The following SAMMSON variants were observed in gnomAD, a reference collection of about 807,000 sequenced individuals.
The protein encoded by SAMMSON is long intergenic non-protein coding RNA 1212.
chr3:70,035,919 A>G (rs2067083664), intron 3 of SAMMSON, among the ~76,000 whole-genome samples: 1 of 152,236 alleles, frequency 6.6e-6, no homozygotes, highest in Non-Finnish European at 1.5e-5. Context: ...AACAAAGATT[A>G]AAATACAGAA....
intron 4 of SAMMSON, among the ~76,000 whole-genome samples, chr3:70,231,557 C>CA: frequency 6.6e-6 from 1 of 152,172 alleles, no homozygotes; most frequent in Non-Finnish European, 1.5e-5. Context: ...GTTAGTTGTG[C>CA]TGGATGATTA....
chr3:70,149,132 G>A (rs2067561484), intron 4 of SAMMSON, among the ~76,000 whole-genome samples: 1 of 152,086 alleles, frequency 6.6e-6, no homozygotes, highest in Non-Finnish European at 1.5e-5. Flanking sequence ...AAGGTCAAAT[G>A]TGGTGAAAAG....
intron 4 of SAMMSON, among the ~76,000 whole-genome samples, chr3:70,089,115 A>T (rs1576118831): frequency 6.6e-6 from 1 of 152,178 alleles, no homozygotes; most frequent in East Asian, 1.9e-4. Flanking sequence ...TGAAAAAACA[A>T]ACTGCTTGTT....
At chr3:70,428,169 T>A (rs1172134285) in intron 2 of SAMMSON, among the ~76,000 whole-genome samples, 1 of 152,156 alleles carries the variant, frequency 6.6e-6, no homozygotes, top group Admixed American at 6.5e-5. Context: ...AAGAAATCAA[T>A]TCTCTCCAAA....
intron 6 of SAMMSON, among the ~76,000 whole-genome samples, chr3:70,268,767 C>A (rs970459011): frequency 6.6e-6 from 1 of 152,118 alleles, no homozygotes; most frequent in Non-Finnish European, 1.5e-5. Context: ...GAAGTATCTA[C>A]TTTATATCTG....
intron 1 of SAMMSON, among the ~76,000 whole-genome samples, chr3:70,010,172 G>A (rs2066947689): frequency 6.6e-6 from 1 of 152,018 alleles, no homozygotes; most frequent in Non-Finnish European, 1.5e-5. Context: ...GTGCAGAGCT[G>A]AGTTCAATTC....
intron 7 of SAMMSON, among the ~76,000 whole-genome samples, chr3:70,314,068 T>G (rs757183469): frequency 1.8e-4 from 28 of 152,172 alleles, no homozygotes; most frequent in Non-Finnish European, 2.9e-4. Flanking sequence ...CACCTGGAGA[T>G]GATCTTACCC....
intron 9 of SAMMSON, among the ~76,000 whole-genome samples, chr3:70,378,770 C>T (rs760810067): frequency 2.4e-4 from 37 of 151,868 alleles, no homozygotes; most frequent in Non-Finnish European, 4.6e-4. Context: ...AAATGACATA[C>T]ACATAAGATT....
intron 1 of SAMMSON, among the ~76,000 whole-genome samples, chr3:70,000,237 G>A (rs182216574): frequency 6.6e-6 from 1 of 152,254 alleles, no homozygotes; most frequent in African/African-American, 2.4e-5. Context: ...TCGTGGGATC[G>A]GAGCCCCACA....
At chr3:70,367,605 T>C (rs1267106340) in intron 9 of SAMMSON, among the ~76,000 whole-genome samples, 2 of 151,686 alleles carry the variant, frequency 1.3e-5, no homozygotes, top group African/African-American at 4.8e-5. Flanking sequence ...GTATACTACA[T>C]TTTCTTTATT....
chr3:70,198,860 A>G (rs1412175462), intron 4 of SAMMSON, among the ~76,000 whole-genome samples: 4 of 152,306 alleles, frequency 2.6e-5, no homozygotes, highest in Middle Eastern at 6.8e-3. Context: ...ATAAGTCACC[A>G]CAAACCTCCC....
intron 4 of SAMMSON, among the ~76,000 whole-genome samples, chr3:70,164,459 GAGGTGAAT>G (rs2067628636): frequency 1.3e-5 from 2 of 152,110 alleles, no homozygotes; most frequent in Admixed American, 1.3e-4. Context: ...GGGATTTATT[GAGGTGAAT>G]AGTACTTATT....
intron 4 of SAMMSON, among the ~76,000 whole-genome samples, chr3:70,104,286 C>T (rs546016915): frequency 6.6e-5 from 10 of 151,366 alleles, no homozygotes; most frequent in African/African-American, 1.5e-4. Flanking sequence ...TCCTACGCTG[C>T]GATACTGTGC....
In SAMMSON at chr3:70,429,984, C is replaced by T. The variant is rs370401094; in HGVS notation, n.234-32576C>T. ...TGTTTATCTTGCCTGATTGCCCTGG[C>T]CAGAACTTCCAATACTATGTTGAAT... is the stretch of plus-strand genomic sequence containing the variant. On this transcript the variant is annotated intron_variant and non_coding_transcript_variant, in intron 2 of 3. Coordinates refer to the SAMMSON transcript ENST00000641053. 1.4e-4 allele frequency among the ~76,000 whole-genome samples: 21 copies of T among 152,198 alleles called. 1 individual carries two copies. In the East Asian group the frequency reaches 2.7e-3, roughly 20 times the overall value.
At chr3:70,113,021 G>A (rs907365911) in intron 4 of SAMMSON, among the ~76,000 whole-genome samples, 6 of 152,036 alleles carry the variant, frequency 3.9e-5, no homozygotes, top group Admixed American at 6.6e-5. Flanking sequence ...GTATTTTAAC[G>A]CTTTATAACA....
intron 3 of SAMMSON, among the ~76,000 whole-genome samples, chr3:70,022,749 C>T (rs1054640447): frequency 6.6e-6 from 1 of 152,184 alleles, no homozygotes; most frequent in African/African-American, 2.4e-5. Flanking sequence ...GTTTGGTGCA[C>T]AGCTAAAGGG....
At chr3:70,203,400 C>T (rs1307708724) in intron 4 of SAMMSON, among the ~76,000 whole-genome samples, 1 of 152,038 alleles carries the variant, frequency 6.6e-6, no homozygotes, top group African/African-American at 2.4e-5. Context: ...TGATTGAATG[C>T]CTTTCTCTAG....
At chr3:70,172,473 G>T (rs1700966726) in intron 4 of SAMMSON, 1 of 151,874 alleles carries the variant, frequency 6.6e-6, no homozygotes, top group South Asian at 2.1e-4. Flanking sequence ...GGGGTAAAAA[G>T]TTCATTACAC....
At chr3:70,067,130 G>GAACA (rs945539228) in intron 3 of SAMMSON, among the ~76,000 whole-genome samples, 2 of 151,874 alleles carry the variant, frequency 1.3e-5, no homozygotes, top group African/African-American at 2.4e-5. Context: ...AACCAGAACT[G>GAACA]AACAAACAAA....
Sources: gnomAD v4.1 joint callset for allele counts (sites outside exome capture counted in the v4.1 genomes callset) on GRCh38, gnomAD v4.1.1 for gene constraint, MANE v1.5 for transcripts, NCBI Gene and HGNC (gene_info 2026-07-23, HGNC 2026-07-21) for gene names.